RIMS2: variants seen among roughly 807,000 people sequenced by gnomAD.
The protein encoded by RIMS2 is regulating synaptic membrane exocytosis 2, also known as regulating synaptic membrane exocytosis protein 2.
RIMS2 carries 59 observed loss-of-function variants against 174.4 expected under a neutral mutation model. The ratio of observed to expected loss-of-function variants is 0.34; its 90% confidence interval spans 0.27 to 0.42. The LOEUF (loss-of-function observed/expected upper bound fraction) is 0.42. RIMS2 is among the 10% of genes least tolerant of loss of function. RIMS2 has a pLI of 1.00. For missense variants in RIMS2, 1,620 were observed against 1,666.3 expected, an observed-to-expected ratio of 0.97 and a Z score of 0.48; for synonymous variants, 606 against 572.5, an observed-to-expected ratio of 1.06 and a Z score of -0.84.
intron 19 of RIMS2, among the ~76,000 whole-genome samples, chr8:104,047,756 A>G (rs1191854460): frequency 6.6e-6 from 1 of 152,118 alleles, no homozygotes; most frequent in Non-Finnish European, 1.5e-5. Flanking sequence ...CAAATATACT[A>G]GTTTGTGACT....
chr8:103,555,007 A>C (rs1849760457), intron 1 of RIMS2, among the ~76,000 whole-genome samples: 2 of 152,162 alleles, frequency 1.3e-5, no homozygotes, highest in African/African-American at 2.4e-5. Context: ...AATGAAGGGA[A>C]TATCAGACAT....
At chr8:103,834,712 CTTT>C (rs1564829469) in intron 3 of RIMS2, among the ~76,000 whole-genome samples, 1 of 133,544 alleles carries the variant, frequency 7.5e-6, no homozygotes, top group Non-Finnish European at 1.6e-5. Flanking sequence ...TTCTTTCTTT[CTTT>C]CTTTCTTTCT....
chr8:103,613,317 G>T (rs1463836061), intron 1 of RIMS2, among the ~76,000 whole-genome samples: 2 of 152,132 alleles, frequency 1.3e-5, no homozygotes, highest in Non-Finnish European at 2.9e-5. Flanking sequence ...ATCCCTGTGG[G>T]CACACTAACC....
intron 1 of RIMS2, among the ~76,000 whole-genome samples, chr8:103,565,800 C>T (rs1230027529): frequency 6.6e-6 from 1 of 152,120 alleles, no homozygotes; most frequent in African/African-American, 2.4e-5. Flanking sequence ...TTGACCCCAG[C>T]CACTGTCCCG....
At chr8:103,842,746 A>C (rs1020306497) in intron 3 of RIMS2, among the ~76,000 whole-genome samples, 4 of 152,200 alleles carry the variant, frequency 2.6e-5, no homozygotes, top group African/African-American at 7.2e-5. Context: ...TTTTTTAAAA[A>C]ATTTAAACAT....
intron 1 of RIMS2, chr8:103,559,389 C>A: frequency 2.9e-6 from 1 of 342,088 alleles, no homozygotes; most frequent in Non-Finnish European, 5.6e-6. Context: ...ACGGCTGCTT[C>A]ACGGTGGAGC....
At chr8:103,973,255 AT>A (rs916753021) in intron 15 of RIMS2, among the ~76,000 whole-genome samples, 4 of 152,008 alleles carry the variant, frequency 2.6e-5, no homozygotes, top group African/African-American at 7.2e-5. Context: ...CTTAATTTAG[AT>A]TTTTTTTACC....
In RIMS2 at chr8:103,667,423, C is replaced by T. The variant is rs550761533; in HGVS notation, c.177-29663C>T. The stretch of plus-strand genomic sequence containing the variant: ...TCCAAACTGTGTAAAAAGAGACCGC[C>T]CATCTGGAATAATGAAGGCCTTCTG... On this transcript the variant is annotated intron_variant, in intron 1 of 23. Transcript: ENST00000504942. Among the ~76,000 whole-genome samples the T allele has an allele frequency of 6.9e-4, 105 of 152,252 alleles. 1 individual carries two copies. Among genetic ancestry groups the T allele is most frequent in the African/African-American group, 2.2e-3 (93 of 41,550 alleles).
chr8:104,082,558 A>G (rs1051779389), intron 19 of RIMS2, among the ~76,000 whole-genome samples: 2 of 152,152 alleles, frequency 1.3e-5, no homozygotes, highest in Non-Finnish European at 2.9e-5. Flanking sequence ...ATAGTTCTTT[A>G]GTGTGGAAAT....
intron 1 of RIMS2, among the ~76,000 whole-genome samples, chr8:103,526,882 G>A (rs1047226375): frequency 6.6e-6 from 1 of 152,050 alleles, no homozygotes; most frequent in Non-Finnish European, 1.5e-5. Flanking sequence ...CAATACTGAT[G>A]AAAGACACCA....
intron 1 of RIMS2, among the ~76,000 whole-genome samples, chr8:103,521,311 A>C (rs1831568875): frequency 6.6e-6 from 1 of 152,186 alleles, no homozygotes; most frequent in African/African-American, 2.4e-5. Context: ...AAAAACCAAT[A>C]GTTTTTAAAA....
rs756250781 is a variant in RIMS2, at chr8:103,536,705, T to C, written c.176+35643T>C. 4.5e-4 allele frequency among the ~76,000 whole-genome samples: 68 copies of C among 152,072 alleles called. 1 individual carries two copies. Among genetic ancestry groups the C allele is most frequent in the Non-Finnish European group, 8.1e-4 (55 of 68,006 alleles). On this transcript the variant is annotated intron_variant, in intron 1 of 23. Transcript: ENST00000504942. ...AGATCTTGCAAAAACTCACTAACCA[T>C]CATGAGAACAGCACCAGGAAGTGGT...
intron 3 of RIMS2, among the ~76,000 whole-genome samples, chr8:103,826,019 A>G (rs2098788372): frequency 1.3e-5 from 2 of 152,150 alleles, no homozygotes; most frequent in Admixed American, 1.3e-4. Flanking sequence ...CCTCATGACT[A>G]ACAACTACAA....
intron 1 of RIMS2, among the ~76,000 whole-genome samples, chr8:103,647,494 A>G (rs1415912119): frequency 6.6e-6 from 1 of 152,136 alleles, no homozygotes; most frequent in African/African-American, 2.4e-5. Flanking sequence ...GTTTCAGTAG[A>G]ATGGTACCAG....
intron 1 of RIMS2, among the ~76,000 whole-genome samples, chr8:103,566,293 G>C (rs563781703): frequency 6.6e-6 from 1 of 152,200 alleles, no homozygotes; most frequent in South Asian, 2.1e-4. Context: ...ATGTGAAACT[G>C]TTGCCTGGTA....
intron 19 of RIMS2, among the ~76,000 whole-genome samples, chr8:104,227,135 A>G (rs1457872792): frequency 2.6e-5 from 4 of 152,030 alleles, no homozygotes; most frequent in African/African-American, 9.7e-5. Flanking sequence ...GTGAGGATGA[A>G]AGGGACATTC....
intron 19 of RIMS2, among the ~76,000 whole-genome samples, chr8:104,203,473 G>GT (rs1286860169): frequency 1.4e-5 from 2 of 144,582 alleles, no homozygotes; most frequent in Non-Finnish European, 3.0e-5. Flanking sequence ...GGAGTTATTA[G>GT]ACATGGGACT....
intron 19 of RIMS2, among the ~76,000 whole-genome samples, chr8:104,159,841 A>T (rs962215645): frequency 6.6e-6 from 1 of 152,070 alleles, no homozygotes; most frequent in Non-Finnish European, 1.5e-5. Context: ...GGTTTTTTCA[A>T]TCTTAAGAGT....
intron 19 of RIMS2, among the ~76,000 whole-genome samples, chr8:104,079,335 G>A (rs2097362089): frequency 6.6e-6 from 1 of 151,768 alleles, no homozygotes; most frequent in African/African-American, 2.4e-5. Context: ...ATATAAAGGA[G>A]AAACATTTCC....
Sources: gnomAD v4.1 joint callset for allele counts (sites outside exome capture counted in the v4.1 genomes callset) on GRCh38, gnomAD v4.1.1 for gene constraint, MANE v1.5 for transcripts, NCBI Gene and HGNC (gene_info 2026-07-23, HGNC 2026-07-21) for gene names.